The following CSMD3 variants were observed in gnomAD, a reference collection of about 807,000 sequenced individuals.
CSMD3 encodes CUB and sushi domain-containing protein 3.
Under a neutral mutation model 435.2 loss-of-function variants are expected in CSMD3, and 177 were observed. That is an observed-to-expected ratio of 0.41 (90% CI 0.36 to 0.46). The LOEUF (loss-of-function observed/expected upper bound fraction) is 0.46. Among genes scored for constraint, CSMD3 ranks in the 20% least tolerant of loss-of-function variants. CSMD3 has a pLI of 0.34. For missense variants in CSMD3, 4,265 were observed against 4,504.6 expected (o/e 0.95, Z 1.52); for synonymous variants, 1,656 against 1,520.5 (o/e 1.09, Z -2.07).
At chr8:113,388,569 C>G (rs796490638) in intron 1 of CSMD3, among the ~76,000 whole-genome samples, 1 of 151,472 alleles carries the variant, frequency 6.6e-6, no homozygotes. Flanking sequence ...ATTAAACCAA[C>G]GTCTGGCACT....
chr8:112,797,373 A>T (rs2078854307), intron 13 of CSMD3, among the ~76,000 whole-genome samples: 1 of 151,888 alleles, frequency 6.6e-6, no homozygotes, highest in Non-Finnish European at 1.5e-5. Context: ...CTAACAGAAA[A>T]CGTCATTTGA....
At chr8:112,801,975 C>T (rs1417093977) in intron 12 of CSMD3, among the ~76,000 whole-genome samples, 1 of 151,952 alleles carries the variant, frequency 6.6e-6, no homozygotes, top group Non-Finnish European at 1.5e-5. Flanking sequence ...CCTGAAACTT[C>T]TAGAATGGTA....
intron 27 of CSMD3, among the ~76,000 whole-genome samples, chr8:112,527,197 TA>T (rs1412231548): frequency 6.6e-6 from 1 of 151,838 alleles, no homozygotes; most frequent in Non-Finnish European, 1.5e-5. Flanking sequence ...GATGCAACCA[TA>T]AGCTATTTAC....
intron 10 of CSMD3, among the ~76,000 whole-genome samples, chr8:112,871,445 T>C (rs1372106780): frequency 1.3e-5 from 2 of 151,976 alleles, no homozygotes; most frequent in African/African-American, 4.8e-5. Context: ...ATAAAAGATA[T>C]GCTGTAAAAA....
At chr8:112,979,849 C>A (rs893397110) in intron 6 of CSMD3, among the ~76,000 whole-genome samples, 3 of 150,856 alleles carry the variant, frequency 2.0e-5, no homozygotes, top group African/African-American at 7.3e-5. Flanking sequence ...AAGACGTTCA[C>A]AATATGAACT....
chr8:112,876,988 TA>T (rs1393004597), intron 10 of CSMD3, among the ~76,000 whole-genome samples: 1 of 152,100 alleles, frequency 6.6e-6, no homozygotes, highest in African/African-American at 2.4e-5. Flanking sequence ...AGCCAAATCA[TA>T]AGTGAACTCC....
chr8:113,249,030 C>G (rs2093308886), intron 3 of CSMD3, among the ~76,000 whole-genome samples: 1 of 151,998 alleles, frequency 6.6e-6, no homozygotes, highest in Non-Finnish European at 1.5e-5. Flanking sequence ...ACCAGATAGA[C>G]ATAAATGAGT....
At chr8:112,486,016 G>A (rs1046823708) in intron 31 of CSMD3, among the ~76,000 whole-genome samples, 1 of 150,626 alleles carries the variant, frequency 6.6e-6, no homozygotes, top group African/African-American at 2.4e-5. Context: ...AACAGAGCTA[G>A]CGCTGGCTAA....
intron 17 of CSMD3, among the ~76,000 whole-genome samples, chr8:112,663,550 T>C (rs1374343384): frequency 4.6e-5 from 7 of 151,650 alleles, no homozygotes; most frequent in Non-Finnish European, 8.8e-5. Flanking sequence ...GACAAGTTAA[T>C]GGGTGCAGCA....
intron 1 of CSMD3, among the ~76,000 whole-genome samples, chr8:113,404,510 C>T (rs2094524003): frequency 6.6e-6 from 1 of 151,268 alleles, no homozygotes; most frequent in Non-Finnish European, 1.5e-5. Context: ...GTCCTCAATC[C>T]ATATCTTTTG....
chr8:112,568,302 A>G (rs1829222265), intron 24 of CSMD3, among the ~76,000 whole-genome samples: 1 of 152,138 alleles, frequency 6.6e-6, no homozygotes, highest in African/African-American at 2.4e-5. Context: ...TGCTTTAGAA[A>G]AAGGAATGGG....
At chr8:113,010,694 C>A in intron 6 of CSMD3, among the ~76,000 whole-genome samples, 1 of 151,488 alleles carries the variant, frequency 6.6e-6, no homozygotes, top group East Asian at 1.9e-4. Context: ...TATAAGTACT[C>A]CAATAAAGAA....
intron 3 of CSMD3, among the ~76,000 whole-genome samples, chr8:113,217,113 C>T (rs1401935045): frequency 6.6e-6 from 1 of 151,546 alleles, no homozygotes; most frequent in East Asian, 1.9e-4. Context: ...AGAACCAAGC[C>T]ATAACATTTC....
At chr8:113,070,737 C>A (rs2131402503) in intron 5 of CSMD3, among the ~76,000 whole-genome samples, 1 of 152,150 alleles carries the variant, frequency 6.6e-6, no homozygotes, top group African/African-American at 2.4e-5. Flanking sequence ...TTTCACTTAG[C>A]ATAATGTACT....
intron 10 of CSMD3, among the ~76,000 whole-genome samples, chr8:112,896,629 TACA>T (rs2081957414): frequency 6.6e-6 from 1 of 151,412 alleles, no homozygotes; most frequent in African/African-American, 2.4e-5. Flanking sequence ...CCACCACCAC[TACA>T]ACAATACAAG....
intron 9 of CSMD3, among the ~76,000 whole-genome samples, chr8:112,928,750 A>T (rs369632746): frequency 1.4e-5 from 2 of 145,882 alleles, no homozygotes; most frequent in African/African-American, 2.5e-5. Flanking sequence ...ATAAACATAC[A>T]TGTGCATGTG....
intron 38 of CSMD3, among the ~76,000 whole-genome samples, chr8:112,356,287 TCATTAAATAATATGCAGC>T (rs913082264): frequency 1.3e-5 from 2 of 152,140 alleles, no homozygotes; most frequent in African/African-American, 2.4e-5. Context: ...TAGGTGCCCA[TCATTAAATAATATGCAGC>T]CATTAAATAA....
intron 16 of CSMD3, among the ~76,000 whole-genome samples, chr8:112,678,988 G>GA (rs557957607): frequency 6.7e-6 from 1 of 150,238 alleles, no homozygotes; most frequent in South Asian, 2.1e-4. Context: ...ACTGTCTACA[G>GA]AAAAAAGGAG....
At chr8:113,241,022 C>A (rs947399923) in intron 3 of CSMD3, among the ~76,000 whole-genome samples, 9 of 152,058 alleles carry the variant, frequency 5.9e-5, no homozygotes, top group Non-Finnish European at 8.8e-5. Flanking sequence ...ATGGTAGAAA[C>A]ATATTATCAA....
Sources: gnomAD v4.1 joint callset for allele counts (sites outside exome capture counted in the v4.1 genomes callset) on GRCh38, gnomAD v4.1.1 for gene constraint, MANE v1.5 for transcripts, NCBI Gene and HGNC (gene_info 2026-07-23, HGNC 2026-07-21) for gene names.